The following EYS variants were observed in gnomAD, a reference collection of about 807,000 sequenced individuals.
EYS encodes protein eyes shut homolog.
In EYS, 250 loss-of-function variants were observed where a neutral mutation model predicts 282.1. The ratio of observed to expected loss-of-function variants is 0.89; its 90% CI spans 0.80 to 0.98. The LOEUF (loss-of-function observed/expected upper bound fraction) is 0.98. Ranked by LOEUF, EYS falls within the 50% of genes least tolerant of loss-of-function variation. The pLI, the probability that EYS is intolerant of heterozygous loss-of-function variation, is 0.00. For missense variants in EYS, 4,016 were observed against 3,709.0 expected, an observed-to-expected ratio of 1.08 and a Z score of -2.15; for synonymous variants, 1,355 against 1,282.9, an observed-to-expected ratio of 1.06 and a Z score of -1.20.
chr6:65,299,690 T>TCA (rs1768763888), intron 11 of EYS, among the ~76,000 whole-genome samples: 1 of 152,112 alleles, frequency 6.6e-6, no homozygotes, highest in Non-Finnish European at 1.5e-5. Flanking sequence ...ACAGTGCGTT[T>TCA]CCATTTCTAA....
intron 15 of EYS, among the ~76,000 whole-genome samples, chr6:64,936,921 A>G (rs2150090489): frequency 6.6e-6 from 1 of 151,686 alleles, no homozygotes; most frequent in Admixed American, 6.6e-5. Flanking sequence ...CCTGACTTCA[A>G]ACTTACCAAA....
At chr6:65,158,991 T>C (rs1425703321) in intron 12 of EYS, among the ~76,000 whole-genome samples, 4 of 150,856 alleles carry the variant, frequency 2.7e-5, no homozygotes, top group Admixed American at 6.6e-5. Context: ...TTTTTAAATA[T>C]TGCTATTTTT....
At chr6:64,231,252 A>T (rs181492150) in intron 30 of EYS, among the ~76,000 whole-genome samples, 2 of 152,136 alleles carry the variant, frequency 1.3e-5, no homozygotes, top group African/African-American at 4.8e-5. Flanking sequence ...AATTTCTGGG[A>T]GCTATCCAAG....
intron 12 of EYS, among the ~76,000 whole-genome samples, chr6:65,065,593 G>A (rs1485843418): frequency 3.3e-5 from 5 of 151,558 alleles, no homozygotes; most frequent in African/African-American, 1.2e-4. Context: ...CACAGCATTA[G>A]CCAGGATGGT....
chr6:64,761,059 C>T (rs1773140863), intron 22 of EYS, among the ~76,000 whole-genome samples: 1 of 152,188 alleles, frequency 6.6e-6, no homozygotes, highest in African/African-American at 2.4e-5. Context: ...TTTCTACCAT[C>T]AGTGGATTTG....
chr6:65,011,584 G>A, intron 13 of EYS, among the ~76,000 whole-genome samples: 1 of 152,138 alleles, frequency 6.6e-6, no homozygotes, highest in Non-Finnish European at 1.5e-5. Context: ...AAGCAGTTAG[G>A]GCAGTCATCG....
At chr6:65,633,854 G>A (rs1486544667) in intron 2 of EYS, among the ~76,000 whole-genome samples, 1 of 152,184 alleles carries the variant, frequency 6.6e-6, no homozygotes, top group Admixed American at 6.5e-5. Flanking sequence ...GTCTATGGCT[G>A]TTTTCCCGCT....
At chr6:64,627,625 GTTACTTAGGTGATACAAAAATTAAGTTC>G (rs1767649213) in intron 22 of EYS, among the ~76,000 whole-genome samples, 14 of 152,194 alleles carry the variant, frequency 9.2e-5, no homozygotes, top group Admixed American at 2.0e-4. Context: ...TGCATACACA[GTTACTTAGGTGATACAAAAATTAAGTTC>G]TGTTTTTCAC....
chr6:64,778,165 G>C (rs1312454392), intron 22 of EYS, among the ~76,000 whole-genome samples: 1 of 152,100 alleles, frequency 6.6e-6, no homozygotes, highest in East Asian at 1.9e-4. Flanking sequence ...ATGCCTTCAT[G>C]ATTGGTGAAG....
At chr6:65,142,515 C>CACACAG (rs903155821) in intron 12 of EYS, among the ~76,000 whole-genome samples, 2 of 150,890 alleles carry the variant, frequency 1.3e-5, no homozygotes, top group Non-Finnish European at 3.0e-5. Flanking sequence ...CACACACACA[C>CACACAG]ACACAGAGTT....
chr6:64,498,590 G>A (rs142579194), intron 26 of EYS, among the ~76,000 whole-genome samples: 1,551 of 151,926 alleles, frequency 0.01, 32 homozygotes, highest in East Asian at 0.084. Flanking sequence ...CCCCACATGC[G>A]TTAGGTATTT....
chr6:65,319,923 C>A (rs1197650980), intron 11 of EYS, among the ~76,000 whole-genome samples: 1 of 148,990 alleles, frequency 6.7e-6, no homozygotes, highest in Non-Finnish European at 1.5e-5. Context: ...CCCAGCCATC[C>A]AATTTTTCAA....
chr6:65,108,059 T>G (rs145092910), intron 12 of EYS, among the ~76,000 whole-genome samples: 1 of 152,092 alleles, frequency 6.6e-6, no homozygotes, highest in East Asian at 1.9e-4. Flanking sequence ...GAAAATAGTA[T>G]TTTGCATTTA....
chr6:65,082,250 G>T (rs1486285475), intron 12 of EYS, among the ~76,000 whole-genome samples: 1 of 151,952 alleles, frequency 6.6e-6, no homozygotes, highest in Non-Finnish European at 1.5e-5. Context: ...TCACCTGATT[G>T]CCATACCCAT....
chr6:64,302,143 G>A (rs1769259410), intron 30 of EYS, among the ~76,000 whole-genome samples: 2 of 152,090 alleles, frequency 1.3e-5, no homozygotes, highest in Admixed American at 1.3e-4. Context: ...TTGGCTTATG[G>A]CAATGATCAA....
At chr6:64,246,139 C>CT (rs1361674126) in intron 30 of EYS, among the ~76,000 whole-genome samples, 5 of 149,806 alleles carry the variant, frequency 3.3e-5, no homozygotes, top group African/African-American at 1.2e-4. Flanking sequence ...TTTCCTCCTC[C>CT]TACATATAGG....
At chr6:65,314,977 G>C (rs527934033) in intron 11 of EYS, among the ~76,000 whole-genome samples, 5 of 152,012 alleles carry the variant, frequency 3.3e-5, no homozygotes, top group Non-Finnish European at 7.4e-5. Context: ...TCATTCCAAT[G>C]CTTGATAGTT....
chr6:65,328,161 A>G (rs746050346), intron 11 of EYS, among the ~76,000 whole-genome samples: 3 of 151,410 alleles, frequency 2.0e-5, no homozygotes, highest in Non-Finnish European at 4.4e-5. Flanking sequence ...AAGATTTATA[A>G]CATTCATCAT....
chr6:65,246,318 G>T (rs1767178312), intron 12 of EYS, among the ~76,000 whole-genome samples: 1 of 152,092 alleles, frequency 6.6e-6, no homozygotes, highest in Admixed American at 6.6e-5. Context: ...TTGTGAATAT[G>T]AAAATGTATA....
Sources: allele counts gnomAD v4.1 joint callset (sites outside exome capture counted in the v4.1 genomes callset), GRCh38; gene constraint gnomAD v4.1.1; transcripts MANE v1.5; gene names NCBI Gene and HGNC (gene_info 2026-07-23, HGNC 2026-07-21).